The following BRSK1 variants were observed in gnomAD, a reference collection of about 807,000 sequenced individuals.
BRSK1 encodes serine/threonine-protein kinase BRSK1.
Under a neutral mutation model 86.2 loss-of-function variants are expected in BRSK1, and 17 were observed. That is an observed-to-expected ratio of 0.20 (90% confidence interval 0.14 to 0.30). The LOEUF is 0.30. Among genes scored for constraint, BRSK1 ranks in the 10% least tolerant of loss-of-function variants. BRSK1 has a pLI of 1.00. For synonymous variants in BRSK1, 464 were observed against 440.1 expected (o/e 1.05, Z -0.68); for missense variants, 719 against 1,071.9 (o/e 0.67, Z 4.60).
chr19:55,306,495 T>A lies in BRSK1; in HGVS notation c.2089+45T>A. ...TGCCTGCAGCCCAGTGCTGGGACTGTTCACGACAGCTGAGACAGTGTAGGG... is the reference window on the plus strand; with the variant it reads ...TGCCTGCAGCCCAGTGCTGGGACTGATCACGACAGCTGAGACAGTGTAGGG... On this transcript the variant is annotated intron_variant, in intron 17 of 18. Coordinates refer to ENST00000309383, the MANE Select transcript of BRSK1 (RefSeq NM_032430.2). This position sits in a 1 kb window ranked among gnomAD's most constrained non-coding sequence, Gnocchi z 4.7. 2 of 1,600,726 alleles carry A rather than the reference T, an allele frequency of 1.2e-6. No homozygotes were observed. The highest frequency in any genetic ancestry group is 2.2e-5 in the South Asian group (2 of 90,894).
chr19:55,312,064 C>T lies in BRSK1; in HGVS notation c.2333C>T (p.Pro778Leu). ...KLLATNGTPLP is the reference protein window; with the variant it reads ...KLLATNGTPLL ...CTGGCCACCAACGGGACCCCTCTGC[C>T]CTGACCCCACGGGGCCGGGGAGGGA... Residue 778 changes from proline (P) to leucine (L), a missense_variant, in exon 19 of 19, where the codon CCC (proline) becomes CTC (leucine). By Grantham distance (98) the Pro-to-Leu change is moderately conservative (BLOSUM62 -3). Around this residue, in one of 6 missense-constraint regions of BRSK1, gnomAD observed 82 missense variants for 72.6 expected, o/e 1.13. Transcript: ENST00000309383. 1 of 1,433,710 alleles carries T rather than the reference C, an allele frequency of 7.0e-7. No individual in the cohort carries two copies. The highest frequency in any genetic ancestry group is 9.2e-7 in the Non-Finnish European group (1 of 1,091,852). The allele number at this position is 1,433,710 out of a possible 1,614,324, so 88.8% of individuals were successfully genotyped here.
chr19:55,304,026 T>C lies in BRSK1; in HGVS notation c.1287-24T>C. Reference sequence around the variant, plus strand: ...TGAAACCCTCCCATCTGATTTTTTTTTTTTAAATCTATCCTGGAAACAGAT... The same window carrying C: ...TGAAACCCTCCCATCTGATTTTTTTCTTTTAAATCTATCCTGGAAACAGAT... On this transcript the variant is annotated intron_variant, in intron 12 of 18. Coordinates refer to ENST00000309383, the MANE Select transcript of BRSK1 (RefSeq NM_032430.2). This position sits in a 1 kb window ranked among gnomAD's most constrained non-coding sequence, Gnocchi z 5.2. The C allele has an allele frequency of 6.3e-7, 1 of 1,589,780 alleles. No homozygotes were observed. The highest frequency in any genetic ancestry group is 1.2e-5 in the South Asian group (1 of 86,954).
At position 55,303,814 on chromosome 19, in the gene BRSK1, A is replaced by G; in HGVS notation, c.1274A>G (p.Gln425Arg). 1 of 1,579,874 alleles carries G rather than the reference A, an allele frequency of 6.3e-7. No individual in the cohort carries two copies. Among genetic ancestry groups the G allele is most frequent in the Non-Finnish European group, 8.6e-7 (1 of 1,163,112 alleles). ...VPTRRALEMAQHSQRSRSVSG... is the reference protein window; with the variant it reads ...VPTRRALEMARHSQRSRSVSG... ...ACCCGACGGGCCTTGGAGATGGCCC[A>G]GCACAGCCAGAGGTGGGAGCCCCTG... The change falls in exon 12 of 19, where the codon CAG becomes CGG. Residue 425 changes from glutamine to arginine, a missense_variant. By Grantham distance (43) the Gln-to-Arg change is conservative. Coordinates refer to ENST00000309383, the MANE Select transcript of BRSK1 (RefSeq NM_032430.2). This position sits in a 1 kb window ranked among gnomAD's most constrained non-coding sequence, Gnocchi z 5.1.
In BRSK1 at chr19:55,284,248, G is replaced by GC; in HGVS notation, c.-195_-194insC. On this transcript the variant is annotated 5_prime_UTR_variant, in exon 1 of 19. Transcript: ENST00000309383. ...CTGACTCCCGGGGCCTGACCCCCCC[G>GC]GGCCAGCCCCCCCTCCCCCAGCTCC... The GC allele has an allele frequency of 2.1e-6, 1 of 468,100 alleles. No homozygotes were observed. The highest frequency in any genetic ancestry group is 3.4e-6 in the Non-Finnish European group (1 of 296,362). The allele number at this position is 468,100 out of a possible 1,614,324, so 29.0% of individuals were successfully genotyped here. A position where few individuals can be genotyped will look rare whatever the true frequency, so the allele number is the denominator to read the frequency against.
Position 55,305,527 on chromosome 19 carries a change from G to C in BRSK1, c.1831G>C (p.Val611Leu). Reference sequence around the variant, plus strand: ...GGACAAAGAAGAACAAATATTCCTCGTGCTAAAGGACAAACCTCTCAGCAG... The same window carrying C: ...GGACAAAGAAGAACAAATATTCCTCCTGCTAAAGGACAAACCTCTCAGCAG... ...SLDKEEQIFL[V>L]LKDKPLSSIK... The change falls in exon 16 of 19, where the codon GTG (valine) becomes CTG (leucine). Residue 611 changes from valine (V) to leucine (L), a missense_variant. By Grantham distance (32) the Val-to-Leu change is conservative. Transcript: ENST00000309383. The C allele has an allele frequency of 1.9e-6, 3 of 1,614,154 alleles. No homozygotes were observed. The highest frequency in any genetic ancestry group is 2.5e-6 in the Non-Finnish European group (3 of 1,180,030).
chr19:55,302,059 C>G lies in BRSK1; in HGVS notation c.826-78C>G, dbSNP rs1305087528. On this transcript the variant is annotated intron_variant, in intron 8 of 18. Transcript: ENST00000309383. This position sits in a 1 kb window ranked among gnomAD's most constrained non-coding sequence, Gnocchi z 6.3. ...GGGGAGATGATCAGGGACCCCAAAA[C>G]CACCCCAGTCTTTCATTGCGCGCCT... The G allele has an allele frequency of 6.4e-7, 1 of 1,552,652 alleles. No homozygotes were observed. The highest frequency in any genetic ancestry group is 2.2e-5 in the East Asian group (1 of 44,564).
chr19:55,286,040 TG>T (rs71181749), intron 1 of BRSK1, among the ~76,000 whole-genome samples: 39,002 of 60,404 alleles, frequency 0.65, 12,648 homozygotes, highest in East Asian at 0.78. Context: ...GAGGAGGGGC[TG>T]GGGGTCTGGA....
chr19:55,296,204 C>T lies in BRSK1; in HGVS notation c.678+1807C>T, dbSNP rs192820228. ...TGGTAGGCTCCCTTCTTCCTGGCAA[C>T]GATCAGAGTTGTCGCTGTGCATTTT... On this transcript the variant is annotated intron_variant, in intron 7 of 18. Coordinates refer to ENST00000309383, the MANE Select transcript of BRSK1 (RefSeq NM_032430.2). Among the ~76,000 whole-genome samples the T allele has an allele frequency of 2.4e-3, 369 of 152,114 alleles. 1 individual carries two copies. The highest frequency in any genetic ancestry group is 8.1e-3 in the African/African-American group (336 of 41,486).
chr19:55,311,812 T>A (rs574195378), intron 18 of BRSK1, 99 bp from the exon 19 acceptor site: 56 of 1,309,982 alleles, frequency 4.3e-5, no homozygotes, highest in Non-Finnish European at 5.4e-5. Context: ...TCGGGGTTAC[T>A]GAGACCGACT....
In BRSK1 at chr19:55,287,121, T is replaced by A. The variant is rs567004778; in HGVS notation, c.231+20T>A. On this transcript the variant is annotated intron_variant, in intron 2 of 18. Coordinates refer to ENST00000309383, the MANE Select transcript of BRSK1 (RefSeq NM_032430.2). This position sits in a 1 kb window ranked among gnomAD's most constrained non-coding sequence, Gnocchi z 5.3. ...ATGAAGGTGTGTGCGCCTGCTGCAG[T>A]GTGCCTGCGGGTGGGGGGGCCTCCG... The A allele has an allele frequency of 5.8e-6, 8 of 1,384,944 alleles. No individual in the cohort carries two copies. The East Asian group carries it at 2.3e-4, about 40-fold the overall frequency. The allele number at this position is 1,384,944 out of a possible 1,614,324, so 85.8% of individuals were successfully genotyped here.
At chr19:55,299,038 C>T (rs910984523) in intron 7 of BRSK1, among the ~76,000 whole-genome samples, 3 of 152,122 alleles carry the variant, frequency 2.0e-5, no homozygotes, top group African/African-American at 7.2e-5. Flanking sequence ...TCGAGACCAG[C>T]CTGGCCAATC....
Position 55,302,474 on chromosome 19 carries a change from G to C in BRSK1, c.858-223G>C, listed in dbSNP as rs1470418498. 17 of 637,542 alleles carry C rather than the reference G, an allele frequency of 2.7e-5. No homozygotes were observed. The highest frequency in any genetic ancestry group is 4.0e-5 in the Non-Finnish European group (15 of 372,392). The allele number at this position is 637,542 out of a possible 1,614,324, so 39.5% of individuals were successfully genotyped here. ...GGACTTCTGGGTCTGAAGAAGGAGG[G>C]GCCGGGGGCCTGGACCCCTCGGTCG... On this transcript the variant is annotated intron_variant, in intron 9 of 18. Coordinates refer to ENST00000309383, the MANE Select transcript of BRSK1 (RefSeq NM_032430.2). The surrounding 1 kb of genome is among the most constrained non-coding windows in gnomAD (Gnocchi z 6.3).
At position 55,284,083 on chromosome 19, in the gene BRSK1, TGGGGGGGC is replaced by T; in HGVS notation, c.-352_-345del. 3.2e-5 allele frequency: 4 copies of T among 125,854 alleles called. No individual in the cohort carries two copies. The highest frequency in any genetic ancestry group is 5.0e-5 in the Non-Finnish European group (4 of 79,252). 7.8% of individuals were successfully genotyped at this position (125,854 alleles called of 1,614,324 possible). On this transcript the variant is annotated 5_prime_UTR_variant, in exon 1 of 19. An upstream open reading frame in the 5' UTR loses its in-frame stop. Coordinates refer to ENST00000309383, the MANE Select transcript of BRSK1 (RefSeq NM_032430.2). ...GAGGAGGCGGAGGAGAGAGGGCGCGTGGGGGGGCGGGGGGGACCTCGGCCTGCAGCATC... is the reference window on the plus strand; with the variant it reads ...GAGGAGGCGGAGGAGAGAGGGCGCGTGGGGGGGACCTCGGCCTGCAGCATC...
In BRSK1 at chr19:55,284,256, C is replaced by A. The variant is rs2088274609; in HGVS notation, c.-187C>A. 2 of 459,562 alleles carry A rather than the reference C, an allele frequency of 4.4e-6. No individual in the cohort carries two copies. The highest frequency in any genetic ancestry group is 6.9e-6 in the Non-Finnish European group (2 of 288,296). The allele number at this position is 459,562 out of a possible 1,614,324, so 28.5% of individuals were successfully genotyped here. On this transcript the variant is annotated 5_prime_UTR_variant, in exon 1 of 19. Coordinates refer to ENST00000309383, the MANE Select transcript of BRSK1 (RefSeq NM_032430.2). ...CGGGGCCTGACCCCCCCGGGCCAGC[C>A]CCCCCTCCCCCAGCTCCGCGGCCCG... is the stretch of plus-strand genomic sequence containing the variant.
At position 55,301,794 on chromosome 19, in the gene BRSK1, A is replaced by G. The variant is rs935718964; in HGVS notation, c.825+136A>G. 7.2e-5 allele frequency: 82 copies of G among 1,138,924 alleles called. 3 individuals are homozygous for G. The South Asian group carries it at 1.2e-3, about 17-fold the overall frequency. The allele number at this position is 1,138,924 out of a possible 1,614,324, so 70.6% of individuals were successfully genotyped here. On this transcript the variant is annotated intron_variant, in intron 8 of 18. Coordinates refer to ENST00000309383, the MANE Select transcript of BRSK1 (RefSeq NM_032430.2). ...TGACTGGGATCGCCAGCTGAGCCGC[A>G]GCCCAAGGTCCAGCACAGCTGCCGC... is the stretch of plus-strand genomic sequence containing the variant.
chr19:55,310,948 C>A lies in BRSK1; in HGVS notation c.2180-963C>A, dbSNP rs1170757258. 1.3e-5 allele frequency among the ~76,000 whole-genome samples: 2 copies of A among 152,014 alleles called. No homozygotes were observed. The highest frequency in any genetic ancestry group is 2.9e-5 in the Non-Finnish European group (2 of 67,982). On this transcript the variant is annotated intron_variant, in intron 18 of 18. Transcript: ENST00000309383. This position sits in a 1 kb window ranked among gnomAD's most constrained non-coding sequence, Gnocchi z 5.0. The stretch of plus-strand genomic sequence containing the variant: ...CTCCGAGTCACCGTGGTTGCTATGA[C>A]AAGCCCCCCAGTTTTTGTTTTTGTT...
At chr19:55,288,470 T>A (rs2088354418) in intron 3 of BRSK1, among the ~76,000 whole-genome samples, 1 of 115,744 alleles carries the variant, frequency 8.6e-6, no homozygotes, top group African/African-American at 3.4e-5. Flanking sequence ...CAAGACTCTG[T>A]CTCAAAAAAA....
At chr19:55,286,608 G>A (rs951195152) in intron 1 of BRSK1, among the ~76,000 whole-genome samples, 3 of 149,084 alleles carry the variant, frequency 2.0e-5, no homozygotes, top group Non-Finnish European at 4.5e-5. Flanking sequence ...CCAAAAGATT[G>A]AAAAGCAGAG....
chr19:55,303,961 C>A lies in BRSK1; in HGVS notation c.1287-89C>A. 1 of 1,521,390 alleles carries A rather than the reference C, an allele frequency of 6.6e-7. No homozygotes were observed. Among genetic ancestry groups the A allele is most frequent in the Middle Eastern group, 1.7e-4 (1 of 5,740 alleles). 94.2% of individuals were successfully genotyped at this position (1,521,390 alleles called of 1,614,324 possible). A position where few individuals can be genotyped will look rare whatever the true frequency, so the allele number is the denominator to read the frequency against. The stretch of plus-strand genomic sequence containing the variant: ...CCCCTCTCTGGGCCTCATTTCCTCA[C>A]CTGGAAGGACTGTAGAAGTGAGGGA... On this transcript the variant is annotated intron_variant, in intron 12 of 18. Transcript: ENST00000309383. This position sits in a 1 kb window ranked among gnomAD's most constrained non-coding sequence, Gnocchi z 5.1.
Sources: gnomAD v4.1 joint callset for allele counts (sites outside exome capture counted in the v4.1 genomes callset) on GRCh38, gnomAD v4.1.1 for gene constraint, gnomAD v4.1.1 regional missense constraint, Gnocchi (gnomAD v3.1) non-coding constraint, MANE v1.5 for transcripts, NCBI Gene and HGNC (gene_info 2026-07-23, HGNC 2026-07-21) for gene names.